Variants in MAST4 observed in about 807,000 individuals in gnomAD.
MAST4 encodes the protein microtubule associated serine/threonine kinase family member 4.
MAST4 carries 89 observed loss-of-function variants against 162.7 expected under a neutral mutation model. That is an observed-to-expected ratio of 0.55 (90% CI 0.46 to 0.65). The LOEUF is 0.65. MAST4 is among the 30% of genes least tolerant of loss of function. MAST4 has a pLI of 0.00. For synonymous variants in MAST4, 1,479 were observed against 1,361.1 expected (o/e 1.09, Z -1.91); for missense variants, 3,153 against 3,374.0 (o/e 0.93, Z 1.62).
intron 4 of MAST4, among the ~76,000 whole-genome samples, chr5:66,925,123 T>C (rs554095932): frequency 2.2e-4 from 34 of 152,346 alleles, no homozygotes; most frequent in Admixed American, 2.1e-3. Flanking sequence ...TTGATAATTA[T>C]TGATTTTTGG....
In MAST4 at chr5:67,166,305, G is replaced by GA. The variant is rs1773959852; in HGVS notation, c.7128dup (p.Ala2377SerfsTer20). On this transcript the variant is annotated frameshift_variant, in exon 29 of 29. Coordinates refer to ENST00000403625, the MANE Select transcript of MAST4 (RefSeq NM_001164664.2). LOFTEE classifies it low-confidence loss of function (END_TRUNC). ...AAGGGCGGAAGGGAAGAAATGCACT[G>GA]AAGCACTTTATGCTCCAGCAGAGGG... 1.3e-6 allele frequency: 2 copies of GA among 1,573,838 alleles called. No individual in the cohort carries two copies. The highest frequency in any genetic ancestry group is 1.7e-6 in the Non-Finnish European group (2 of 1,159,460).
intron 1 of MAST4, among the ~76,000 whole-genome samples, chr5:66,647,400 A>G (rs1414822188): frequency 2.6e-5 from 4 of 151,926 alleles, no homozygotes; most frequent in Admixed American, 2.0e-4. Flanking sequence ...TTTCGTTTTC[A>G]TTGCAAAATA....
intron 1 of MAST4, among the ~76,000 whole-genome samples, chr5:66,631,637 G>A (rs765667668): frequency 1.6e-4 from 24 of 152,242 alleles, no homozygotes; most frequent in African/African-American, 4.6e-4. Context: ...AACTTTGGAC[G>A]TAAAGCTCTT....
chr5:67,064,985 T>C (rs955475950), intron 5 of MAST4, among the ~76,000 whole-genome samples: 3 of 152,212 alleles, frequency 2.0e-5, no homozygotes, highest in African/African-American at 7.2e-5. Context: ...GTATTCGACA[T>C]TTTCAGATTT....
At chr5:67,145,093 AAC>A in intron 22 of MAST4, 49 bp from the exon 23 acceptor site, 1 of 1,448,358 alleles carries the variant, frequency 6.9e-7, no homozygotes, top group South Asian at 1.2e-5. Flanking sequence ...ATTCACCTTT[AAC>A]ACAGTTTTCT....
At chr5:67,003,083 C>CT (rs146064982) in intron 4 of MAST4, among the ~76,000 whole-genome samples, 5,115 of 151,718 alleles carry the variant, frequency 0.034, 263 homozygotes, top group African/African-American at 0.11. Flanking sequence ...CAGGGACACT[C>CT]TTTTGTGTCA....
In MAST4 at chr5:66,664,685, T is replaced by C. The variant is rs546299902; in HGVS notation, c.363+67667T>C. ...TAGATAGAGAAGAACAAGGAGAGGA[T>C]AAGACTTGCTCAAAAACCAAGAGAA... On this transcript the variant is annotated intron_variant, in intron 1 of 28. Coordinates refer to ENST00000403625, the MANE Select transcript of MAST4 (RefSeq NM_001164664.2). Among the ~76,000 whole-genome samples the C allele has an allele frequency of 6.6e-5, 10 of 151,638 alleles. No individual in the cohort carries two copies. In the South Asian group the frequency reaches 1.0e-3, roughly 16 times the overall value.
chr5:66,946,972 G>A (rs925314246), intron 4 of MAST4, among the ~76,000 whole-genome samples: 2 of 151,982 alleles, frequency 1.3e-5, no homozygotes, highest in African/African-American at 4.8e-5. Context: ...TGAAACTTTG[G>A]AAGATCATTA....
chr5:67,134,941 A>G (rs939654296), intron 18 of MAST4, among the ~76,000 whole-genome samples: 2 of 152,198 alleles, frequency 1.3e-5, no homozygotes, highest in Non-Finnish European at 2.9e-5. Context: ...ACCATTTTTT[A>G]TAGTGTGCTT....
chr5:66,712,899 G>A (rs1406343828), intron 1 of MAST4, among the ~76,000 whole-genome samples: 2 of 152,142 alleles, frequency 1.3e-5, no homozygotes, highest in African/African-American at 2.4e-5. Context: ...AAGTTGATTT[G>A]CAGTATTGCA....
intron 1 of MAST4, among the ~76,000 whole-genome samples, chr5:66,601,637 C>A (rs1742554772): frequency 6.6e-6 from 1 of 152,056 alleles, no homozygotes; most frequent in Admixed American, 6.5e-5. Flanking sequence ...GGCCTTGAAG[C>A]AGGAGAGAGC....
intron 3 of MAST4, among the ~76,000 whole-genome samples, chr5:66,805,006 T>A (rs1756116875): frequency 6.6e-6 from 1 of 152,238 alleles, no homozygotes; most frequent in South Asian, 2.1e-4. Context: ...GAGGTTTGTC[T>A]ACTTCATTAA....
chr5:66,766,381 A>C (rs1258569808), intron 2 of MAST4, among the ~76,000 whole-genome samples: 1 of 152,190 alleles, frequency 6.6e-6, no homozygotes, highest in East Asian at 1.9e-4. Flanking sequence ...CTTTGCAGAC[A>C]ATATAAACTA....
intron 4 of MAST4, among the ~76,000 whole-genome samples, chr5:66,958,679 T>C (rs560126113): frequency 1.6e-3 from 244 of 152,296 alleles, no homozygotes; most frequent in Non-Finnish European, 2.7e-3. Flanking sequence ...GAGAAAGATC[T>C]AATTATTTTT....
chr5:66,630,199 G>A (rs773201193), intron 1 of MAST4, among the ~76,000 whole-genome samples: 13 of 152,132 alleles, frequency 8.5e-5, no homozygotes, highest in Non-Finnish European at 1.5e-4. Flanking sequence ...TGCAACCAGG[G>A]GTGAAAACCA....
intron 4 of MAST4, among the ~76,000 whole-genome samples, chr5:66,944,332 T>C (rs1002125999): frequency 1.3e-5 from 2 of 152,142 alleles, no homozygotes; most frequent in Non-Finnish European, 2.9e-5. Flanking sequence ...TGAGTACTTT[T>C]AAAATAAAAA....
At chr5:67,000,406 C>T (rs1751144513) in intron 4 of MAST4, among the ~76,000 whole-genome samples, 2 of 152,178 alleles carry the variant, frequency 1.3e-5, no homozygotes. Flanking sequence ...AGACTCCAGG[C>T]ATATTATCTT....
intron 1 of MAST4, among the ~76,000 whole-genome samples, chr5:66,603,806 G>T (rs1742703244): frequency 6.6e-6 from 1 of 152,190 alleles, no homozygotes; most frequent in African/African-American, 2.4e-5. Context: ...GTTCTGCTCT[G>T]TGCACTTGTT....
chr5:66,785,462 G>A (rs1311527987), intron 2 of MAST4, among the ~76,000 whole-genome samples: 1 of 152,046 alleles, frequency 6.6e-6, no homozygotes, highest in African/African-American at 2.4e-5. Context: ...TGGGGCTTTC[G>A]AGTCAGAATC....
Sources: gnomAD v4.1 joint callset for allele counts (sites outside exome capture counted in the v4.1 genomes callset) on GRCh38, gnomAD v4.1.1 for gene constraint, MANE v1.5 for transcripts, NCBI Gene and HGNC (gene_info 2026-07-23, HGNC 2026-07-21) for gene names.